EVC2: variants seen among roughly 807,000 people sequenced by gnomAD.
The protein encoded by EVC2 is limbin.
A neutral mutation model predicts 149.3 loss-of-function variants in EVC2; 148 were observed. The observed-to-expected ratio is 0.99, with a 90% CI of 0.87 to 1.14. The LOEUF (loss-of-function observed/expected upper bound fraction) is 1.14. Among genes scored for constraint, EVC2 ranks in the 50% most tolerant of loss-of-function variants. The pLI is 0.00. For missense variants in EVC2, 1,854 were observed against 1,627.3 expected (o/e 1.14, Z -2.40); for synonymous variants, 776 against 649.9 (o/e 1.19, Z -2.95).
chr4:5,642,469 T>C (rs1717408816), intron 9 of EVC2, among the ~76,000 whole-genome samples: 1 of 152,216 alleles, frequency 6.6e-6, no homozygotes, highest in East Asian at 1.9e-4. Flanking sequence ...TATTTTATCA[T>C]GTGATAGACC....
upstream of EVC2, chr4:5,708,983 AAGC>A (rs1211011653): frequency 1.9e-5 from 3 of 154,014 alleles, no homozygotes; most frequent in African/African-American, 4.8e-5. Flanking sequence ...AGGTTCAGGA[AAGC>A]TCGGGGAGGA....
intron 1 of EVC2, among the ~76,000 whole-genome samples, chr4:5,698,748 C>A (rs1721643621): frequency 6.6e-6 from 1 of 152,232 alleles, no homozygotes; most frequent in Non-Finnish European, 1.5e-5. Flanking sequence ...ATAACTCACT[C>A]CAGAGCCTGG....
Position 5,584,687 on chromosome 4 carries a change from T to A in EVC2, c.2993A>T (p.Glu998Val), listed in dbSNP as rs1206851175. ...GGTCAGCATCTCAGATGCACTCAGC[T>A]CTTCCAGGAGCAAGTCCTGGATGCT... ...LLSIQDLLLE[E>V]LSASEMLTKS... The change falls in exon 17 of 22, where the codon GAG (glutamate) becomes GTG (valine). Residue 998 changes from glutamate (E) to valine (V), a missense_variant. By Grantham distance (121) the Glu-to-Val change is moderately radical. Transcript: ENST00000344408. 6 of 1,614,056 alleles carry A rather than the reference T, an allele frequency of 3.7e-6. No homozygotes were observed. The Admixed American group carries it at 8.3e-5, about 22-fold the overall frequency.
At chr4:5,531,953 G>GATACATA in the EVC2 span, among the ~76,000 whole-genome samples, 2 of 151,968 alleles carry the variant, frequency 1.3e-5, no homozygotes, top group Admixed American at 6.6e-5. Flanking sequence ...GTTTACCTAT[G>GATACATA]ATACATAATA....
chr4:5,599,734 A>AAT (rs1713815079), intron 16 of EVC2, among the ~76,000 whole-genome samples: 1 of 151,900 alleles, frequency 6.6e-6, no homozygotes, highest in Non-Finnish European at 1.5e-5. Context: ...AATAAAATAA[A>AAT]AGAAGATTCC....
intron 1 of EVC2, among the ~76,000 whole-genome samples, chr4:5,703,893 G>A (rs1721979043): frequency 6.6e-6 from 1 of 152,132 alleles, no homozygotes; most frequent in African/African-American, 2.4e-5. Flanking sequence ...ATGTTGAAAG[G>A]CTTTAACAGG....
At position 5,622,436 on chromosome 4, in the gene EVC2, C is replaced by T. The variant is rs1715757696; in HGVS notation, c.2501+101G>A. The T allele has an allele frequency of 2.3e-6, 3 of 1,330,436 alleles. No individual in the cohort carries two copies. In the East Asian group the frequency reaches 7.5e-5, roughly 33 times the overall value. The allele number at this position is 1,330,436 out of a possible 1,614,324, so 82.4% of individuals were successfully genotyped here. Reference sequence around the variant, plus strand: ...CGCTGGTAATCTCATCTGTCTGGGGCCAGGTGTCTCATGCTTGGCCATCCC... The same window carrying T: ...CGCTGGTAATCTCATCTGTCTGGGGTCAGGTGTCTCATGCTTGGCCATCCC... On this transcript the variant is annotated intron_variant, in intron 14 of 21. Transcript: ENST00000344408. This position sits in a 1 kb window ranked among gnomAD's most constrained non-coding sequence, Gnocchi z 5.8.
intron 11 of EVC2, among the ~76,000 whole-genome samples, chr4:5,630,161 AG>A (rs1716426686): frequency 6.6e-6 from 1 of 152,094 alleles, no homozygotes; most frequent in African/African-American, 2.4e-5. Context: ...GATTAAATGG[AG>A]GGGGGAGCTC....
At position 5,613,490 on chromosome 4, in the gene EVC2, A is replaced by G. The variant is rs1422615122; in HGVS notation, c.2829+1932T>C. 6.6e-6 allele frequency among the ~76,000 whole-genome samples: 1 copy of G among 152,056 alleles called. No homozygotes were observed. Among genetic ancestry groups the G allele is most frequent in the Non-Finnish European group, 1.5e-5 (1 of 67,994 alleles). ...ACTTCCTCCCTGTGCCAGGAGCTCA[A>G]TGTGCACAGGACCCGACCTCTCTCC... On this transcript the variant is annotated intron_variant, in intron 16 of 21. Coordinates refer to ENST00000344408, the MANE Select transcript of EVC2 (RefSeq NM_147127.5). The surrounding 1 kb of genome is among the most constrained non-coding windows in gnomAD (Gnocchi z 4.6).
downstream of EVC2, among the ~76,000 whole-genome samples, chr4:5,539,503 AT>A (rs1214628554): frequency 2.6e-5 from 4 of 152,212 alleles, no homozygotes; most frequent in Non-Finnish European, 4.4e-5. Flanking sequence ...AAAGAAAAAA[AT>A]ATATACATCT....
intron 12 of EVC2, among the ~76,000 whole-genome samples, chr4:5,627,169 T>TCCC (rs1406569147): frequency 6.6e-6 from 1 of 152,110 alleles, no homozygotes; most frequent in Non-Finnish European, 1.5e-5. Flanking sequence ...CTGGGCTGAG[T>TCCC]CCCCAGCTTG....
intron 9 of EVC2, among the ~76,000 whole-genome samples, chr4:5,660,007 C>T (rs758778809): frequency 9.2e-5 from 14 of 152,236 alleles, no homozygotes; most frequent in Non-Finnish European, 1.9e-4. Flanking sequence ...GCTCACATCA[C>T]TTAATATAAT....
At chr4:5,571,297 G>GA (rs1228171855) in intron 19 of EVC2, among the ~76,000 whole-genome samples, 1 of 109,884 alleles carries the variant, frequency 9.1e-6, no homozygotes, top group East Asian at 3.0e-4. Flanking sequence ...CAGCCTGGGT[G>GA]ACAGAGTGAG....
In EVC2 at chr4:5,562,803, T is replaced by C; in HGVS notation, c.*45A>G. 2 of 1,611,126 alleles carry C rather than the reference T, an allele frequency of 1.2e-6. No homozygotes were observed. The highest frequency in any genetic ancestry group is 3.3e-5 in the Admixed American group (2 of 60,020). ...ACAAACACCGGCGGGCAGGAGAAAA[T>C]CATCCCTTCTCTCTTCAGATGCTCC... is the stretch of plus-strand genomic sequence containing the variant. On this transcript the variant is annotated 3_prime_UTR_variant, in exon 22 of 22. Coordinates refer to ENST00000344408, the MANE Select transcript of EVC2 (RefSeq NM_147127.5). The surrounding 1 kb of genome is among the most constrained non-coding windows in gnomAD (Gnocchi z 4.3).
At chr4:5,538,026 T>A (rs1721451463), downstream of EVC2, among the ~76,000 whole-genome samples, 1 of 147,256 alleles carries the variant, frequency 6.8e-6, no homozygotes. Context: ...TCAGTAAAAT[T>A]GATAAACCTC....
intron 9 of EVC2, among the ~76,000 whole-genome samples, chr4:5,650,953 T>G (rs1427734642): frequency 2.0e-5 from 3 of 152,118 alleles, no homozygotes; most frequent in South Asian, 4.2e-4. Flanking sequence ...TGCTGTTATG[T>G]CTGTCATGTC....
intron 16 of EVC2, among the ~76,000 whole-genome samples, chr4:5,601,287 T>A (rs57281654): frequency 1.8e-4 from 27 of 150,404 alleles, no homozygotes; most frequent in East Asian, 5.8e-4. Flanking sequence ...TGCAGGAATT[T>A]AAAAAAAAAA....
intron 19 of EVC2, among the ~76,000 whole-genome samples, chr4:5,571,788 T>C (rs1456144472): frequency 1.3e-5 from 2 of 152,208 alleles, no homozygotes; most frequent in Non-Finnish European, 2.9e-5. Context: ...TTGTTGTTTC[T>C]GTGGGGGTGT....
At chr4:5,619,743 T>G (rs1346271053) in intron 14 of EVC2, among the ~76,000 whole-genome samples, 2 of 152,184 alleles carry the variant, frequency 1.3e-5, no homozygotes, top group Non-Finnish European at 2.9e-5. Flanking sequence ...CAGCCCACTC[T>G]AATGGAGAGA....
Sources: gnomAD v4.1 joint callset for allele counts (sites outside exome capture counted in the v4.1 genomes callset) on GRCh38, gnomAD v4.1.1 for gene constraint, Gnocchi (gnomAD v3.1) non-coding constraint, MANE v1.5 for transcripts, NCBI Gene and HGNC (gene_info 2026-07-23, HGNC 2026-07-21) for gene names.